The following NUDCD1 variants were observed in gnomAD, a reference collection of about 807,000 sequenced individuals.
The protein encoded by NUDCD1 is nudC domain-containing protein 1.
In NUDCD1, 60 loss-of-function variants were observed where a neutral mutation model predicts 67.8. The ratio of observed to expected loss-of-function variants is 0.88; its 90% CI spans 0.72 to 1.10. The LOEUF (loss-of-function observed/expected upper bound fraction) is 1.10, where lower values mean the gene tolerates loss of function less well. NUDCD1 is among the 50% of genes least tolerant of loss of function. NUDCD1 has a pLI of 0.00. For missense variants in NUDCD1, 643 were observed against 695.0 expected, an observed-to-expected ratio of 0.93 and a Z score of 0.84; for synonymous variants, 244 against 230.8, an observed-to-expected ratio of 1.06 and a Z score of -0.52.
intron 4 of NUDCD1, 149 bp downstream of exon 4, chr8:109,293,195 T>C (rs147347771): frequency 3.7e-5 from 17 of 458,058 alleles, no homozygotes; most frequent in African/African-American, 1.0e-4. Context: ...AAACTATCTA[T>C]ACATATTCAT....
At chr8:109,329,914 T>C (rs917952420) in intron 1 of NUDCD1, 6 of 1,536,218 alleles carry the variant, frequency 3.9e-6, no homozygotes, top group South Asian at 1.2e-5. Context: ...CTACGAAGTA[T>C]GATAAAGTCT....
chr8:109,314,435 T>A (rs950763619), intron 2 of NUDCD1, among the ~76,000 whole-genome samples: 2 of 152,000 alleles, frequency 1.3e-5, no homozygotes, highest in Non-Finnish European at 2.9e-5. Context: ...AGAAGAGAGG[T>A]TCAAAAAGAT....
intron 8 of NUDCD1, among the ~76,000 whole-genome samples, chr8:109,253,850 GA>G (rs200401246): frequency 3.3e-5 from 5 of 151,908 alleles, no homozygotes; most frequent in African/African-American, 1.2e-4. Context: ...ATGAGAAAAA[GA>G]AAAAATATAT....
At chr8:109,286,386 A>T (rs1481557338) in intron 5 of NUDCD1, among the ~76,000 whole-genome samples, 1 of 152,072 alleles carries the variant, frequency 6.6e-6, no homozygotes, top group Admixed American at 6.6e-5. Context: ...GAGGCATCAC[A>T]CTGACTTCAG....
intron 8 of NUDCD1, among the ~76,000 whole-genome samples, chr8:109,250,013 T>A (rs1003600492): frequency 6.6e-6 from 1 of 151,832 alleles, no homozygotes; most frequent in Admixed American, 6.6e-5. Flanking sequence ...GCCTGGGGAA[T>A]TTTTTTATTT....
chr8:109,253,725 AAAAGT>A (rs1257223651), intron 8 of NUDCD1, among the ~76,000 whole-genome samples: 2 of 152,240 alleles, frequency 1.3e-5, no homozygotes, highest in Non-Finnish European at 2.9e-5. Context: ...ATTAAAATTA[AAAAGT>A]AAAGTGACTA....
chr8:109,257,613 C>A (rs1813767125), intron 8 of NUDCD1, among the ~76,000 whole-genome samples: 1 of 151,906 alleles, frequency 6.6e-6, no homozygotes, highest in East Asian at 1.9e-4. Flanking sequence ...TTTACAAGAA[C>A]CAAACCTATT....
rs11550169 is a variant in NUDCD1, at chr8:109,271,027, T to C, written c.1277A>G (p.Asn426Ser). The change falls in exon 8 of 10, where the codon AAT becomes AGT. Residue 426 changes from asparagine to serine, a missense_variant. Transcript: ENST00000239690. ...ESSSLCRFDG[N>S]TLKTTHVVNL... ...TACCACATGAGTAGTTTTTAATGTA[T>C]TGCCATCAAATCTGCATAAACTGGA... 0.096 allele frequency: 151,834 copies of C among 1,582,090 alleles called. 8,952 individuals are homozygous for C. The highest frequency in any genetic ancestry group is 0.23 in the South Asian group (20,501 of 87,334).
intron 2 of NUDCD1, among the ~76,000 whole-genome samples, chr8:109,302,459 A>T (rs1440094882): frequency 6.6e-6 from 1 of 152,004 alleles, no homozygotes; most frequent in Non-Finnish European, 1.5e-5. Context: ...CTACAGACCC[A>T]TCTGACCTCT....
At chr8:109,256,109 G>A (rs1052190523) in intron 8 of NUDCD1, among the ~76,000 whole-genome samples, 4 of 152,150 alleles carry the variant, frequency 2.6e-5, no homozygotes, top group Non-Finnish European at 5.9e-5. Context: ...TACTCAAGAG[G>A]CTGGAAGTGG....
At chr8:109,279,652 TTTGAGACGTAGTTTCACTCTTA>T (rs1385518896) in intron 6 of NUDCD1, among the ~76,000 whole-genome samples, 1 of 152,186 alleles carries the variant, frequency 6.6e-6, no homozygotes, top group East Asian at 1.9e-4. Flanking sequence ...TTCTTTTTTT[TTTGAGACGTAGTTTCACTCTTA>T]TTGCCCAGGG....
rs780216987 is a variant in NUDCD1, at chr8:109,329,843, G to A, written c.118+4050C>T. On this transcript the variant is annotated intron_variant, in intron 1 of 9. Transcript: ENST00000239690. ...ACCCTGGAGATAAAGCATTGAAAAC[G>A]ATGGACATGGGACCCTTCAATACAA... The A allele has an allele frequency of 2.6e-6, 4 of 1,550,632 alleles. 1 individual carries two copies. The South Asian group carries it at 3.6e-5, about 14-fold the overall frequency.
At chr8:109,309,214 A>T (rs948263393) in intron 2 of NUDCD1, among the ~76,000 whole-genome samples, 5 of 152,208 alleles carry the variant, frequency 3.3e-5, no homozygotes, top group African/African-American at 4.8e-5. Context: ...ATCCTTAACA[A>T]AATACTAGCT....
intron 2 of NUDCD1, among the ~76,000 whole-genome samples, chr8:109,304,938 A>G (rs1815069426): frequency 6.6e-6 from 1 of 152,072 alleles, no homozygotes; most frequent in Non-Finnish European, 1.5e-5. Flanking sequence ...ACCAAGGAAA[A>G]TATCTCCTTC....
chr8:109,251,786 C>T (rs1813629131), intron 8 of NUDCD1, among the ~76,000 whole-genome samples: 1 of 151,958 alleles, frequency 6.6e-6, no homozygotes, highest in Non-Finnish European at 1.5e-5. Flanking sequence ...CAGTGTTCTT[C>T]CTTCTGCTTG....
intron 2 of NUDCD1, among the ~76,000 whole-genome samples, chr8:109,318,961 T>G (rs1465060515): frequency 4.0e-4 from 49 of 121,454 alleles, no homozygotes; most frequent in Non-Finnish European, 7.9e-4. Flanking sequence ...ATTTTATGTT[T>G]TTTTTTTTTT....
intron 8 of NUDCD1, among the ~76,000 whole-genome samples, chr8:109,267,384 T>TA (rs1486173585): frequency 6.6e-6 from 1 of 152,052 alleles, no homozygotes; most frequent in East Asian, 1.9e-4. Flanking sequence ...TATTAAAAAG[T>TA]AAAAAAATAA....
intron 6 of NUDCD1, among the ~76,000 whole-genome samples, chr8:109,277,694 A>G (rs971046802): frequency 1.3e-5 from 2 of 152,172 alleles, no homozygotes; most frequent in Non-Finnish European, 2.9e-5. Flanking sequence ...AATAATACTG[A>G]TCTATGTTGA....
At chr8:109,306,982 C>T (rs984687171) in intron 2 of NUDCD1, among the ~76,000 whole-genome samples, 6 of 152,100 alleles carry the variant, frequency 3.9e-5, no homozygotes, top group South Asian at 2.1e-4. Flanking sequence ...ACCACCCCAA[C>T]GCTTCACCAC....
Sources: gnomAD v4.1 joint callset for allele counts (sites outside exome capture counted in the v4.1 genomes callset) on GRCh38, gnomAD v4.1.1 for gene constraint, MANE v1.5 for transcripts, NCBI Gene and HGNC (gene_info 2026-07-23, HGNC 2026-07-21) for gene names.